The following ASIC2 variants were observed in gnomAD, a reference collection of about 807,000 sequenced individuals.
ASIC2 encodes acid-sensing ion channel 2.
A neutral mutation model predicts 57.3 loss-of-function variants in ASIC2; 25 were observed. The ratio of observed to expected loss-of-function variants is 0.44; its 90% CI spans 0.32 to 0.61. ASIC2 has a LOEUF of 0.61. ASIC2 is among the 20% of genes least tolerant of loss of function. ASIC2 has a pLI of 0.06. For missense variants in ASIC2, 641 were observed against 738.1 expected (o/e 0.87, Z 1.52); for synonymous variants, 319 against 307.5 (o/e 1.04, Z -0.39).
intron 1 of ASIC2, among the ~76,000 whole-genome samples, chr17:33,230,063 T>C (rs1197572041): frequency 1.3e-5 from 2 of 152,176 alleles, no homozygotes; most frequent in Non-Finnish European, 2.9e-5. Flanking sequence ...TTCCCTCCCC[T>C]GCATCCCAGG....
chr17:33,174,878 C>T (rs1191890283), intron 1 of ASIC2, among the ~76,000 whole-genome samples: 3 of 152,110 alleles, frequency 2.0e-5, no homozygotes, highest in Non-Finnish European at 4.4e-5. Context: ...GTTGTTTCTT[C>T]TCATGGCATA....
intron 1 of ASIC2, among the ~76,000 whole-genome samples, chr17:33,555,547 G>A (rs1212269767): frequency 6.6e-6 from 1 of 152,078 alleles, no homozygotes; most frequent in East Asian, 1.9e-4. Context: ...AGAGAGAGAT[G>A]GTGAAAAGCT....
intron 1 of ASIC2, among the ~76,000 whole-genome samples, chr17:33,682,996 G>C (rs1358144697): frequency 6.6e-6 from 1 of 152,224 alleles, no homozygotes; most frequent in Non-Finnish European, 1.5e-5. Context: ...GCTACATATT[G>C]AGTGGATTAA....
chr17:33,077,833 C>T (rs960252949), intron 3 of ASIC2, among the ~76,000 whole-genome samples: 15 of 152,272 alleles, frequency 9.9e-5, no homozygotes, highest in African/African-American at 3.4e-4. Flanking sequence ...GGGAGTGTGA[C>T]AGTCAGCAAG....
At chr17:33,160,207 A>T (rs962501894) in intron 1 of ASIC2, among the ~76,000 whole-genome samples, 1 of 112,246 alleles carries the variant, frequency 8.9e-6, no homozygotes, top group Non-Finnish European at 1.7e-5. Context: ...AGACCCTGTT[A>T]AAAAAAAAAA....
Position 33,770,672 on chromosome 17 carries a change from G to A in ASIC2, c.555+385306C>T, listed in dbSNP as rs147279775. On this transcript the variant is annotated intron_variant, in intron 1 of 9. Coordinates refer to the ASIC2 transcript ENST00000359872. ...ACCAATTCTCTGCAATCAAGCCCAT[G>A]GAGACAGCAATTCCCCATCCCCACA... is the stretch of plus-strand genomic sequence containing the variant. Among the ~76,000 whole-genome samples, 776 of 152,296 alleles carry A rather than the reference G, an allele frequency of 5.1e-3. 19 individuals carry two copies. Among genetic ancestry groups the A allele is most frequent in the East Asian group, 0.04 (209 of 5,178 alleles).
chr17:33,346,196 C>A (rs1262363208), intron 1 of ASIC2, among the ~76,000 whole-genome samples: 2 of 128,262 alleles, frequency 1.6e-5, no homozygotes, highest in African/African-American at 6.0e-5. Flanking sequence ...CACTGCACTC[C>A]AGCCTGGGTG....
intron 1 of ASIC2, among the ~76,000 whole-genome samples, chr17:33,847,159 C>T (rs1347284483): frequency 1.3e-5 from 2 of 151,426 alleles, no homozygotes; most frequent in African/African-American, 4.9e-5. Flanking sequence ...TGGGAGGCAT[C>T]TAGTAGGGCA....
At chr17:33,148,078 C>A (rs72819123) in intron 1 of ASIC2, among the ~76,000 whole-genome samples, 4 of 152,198 alleles carry the variant, frequency 2.6e-5, no homozygotes, top group African/African-American at 4.8e-5. Context: ...AATCAAGCAT[C>A]CCTAAAATGT....
chr17:33,189,209 C>A (rs1171796398), intron 1 of ASIC2, among the ~76,000 whole-genome samples: 1 of 152,050 alleles, frequency 6.6e-6, no homozygotes, highest in African/African-American at 2.4e-5. Flanking sequence ...CTCTGCAATA[C>A]ACAAGAGAAC....
Position 33,829,403 on chromosome 17 carries a change from C to T in ASIC2, c.555+326575G>A, listed in dbSNP as rs376325261. On this transcript the variant is annotated intron_variant, in intron 1 of 9. Coordinates refer to the ASIC2 transcript ENST00000359872. ...TAAGAAGGTCTCTTTTGCTTGTTTT[C>T]AGAAATACTATGGATGGGGATACAG... 2.1e-4 allele frequency among the ~76,000 whole-genome samples: 32 copies of T among 152,182 alleles called. No individual in the cohort carries two copies. In the East Asian group the frequency reaches 5.0e-3, roughly 24 times the overall value.
chr17:33,727,475 A>T (rs970189060), intron 1 of ASIC2, among the ~76,000 whole-genome samples: 1 of 152,076 alleles, frequency 6.6e-6, no homozygotes. Flanking sequence ...GTCATCCCCA[A>T]TGTTGGAGGT....
At chr17:33,274,309 G>T (rs1904620148) in intron 1 of ASIC2, among the ~76,000 whole-genome samples, 1 of 152,142 alleles carries the variant, frequency 6.6e-6, no homozygotes, top group African/African-American at 2.4e-5. Flanking sequence ...TTTCTCATTA[G>T]CTGGGGATGA....
At chr17:33,579,804 A>G (rs946287710) in intron 1 of ASIC2, among the ~76,000 whole-genome samples, 13 of 151,712 alleles carry the variant, frequency 8.6e-5, no homozygotes, top group Admixed American at 2.6e-4. Context: ...CGTGAAAAAC[A>G]CCCCTTGGAT....
At chr17:33,707,652 T>C (rs1286827799) in intron 1 of ASIC2, among the ~76,000 whole-genome samples, 3 of 152,230 alleles carry the variant, frequency 2.0e-5, no homozygotes, top group Non-Finnish European at 2.9e-5. Flanking sequence ...TAGTTTTCCC[T>C]TCTCTGAGTT....
intron 1 of ASIC2, among the ~76,000 whole-genome samples, chr17:34,151,120 A>AAAT (rs1555535979): frequency 2.7e-5 from 4 of 149,060 alleles, no homozygotes; most frequent in African/African-American, 1.0e-4. Flanking sequence ...AAAAAAAAAA[A>AAAT]AAAAATAAAG....
chr17:34,003,301 A>G (rs949411778), intron 1 of ASIC2: 6 of 152,320 alleles, frequency 3.9e-5, no homozygotes, highest in Middle Eastern at 3.4e-3. Context: ...GGATGATAAG[A>G]CAGATTTCAC....
In ASIC2 at chr17:33,830,859, C is replaced by A. The variant is rs530555942; in HGVS notation, c.555+325119G>T. On this transcript the variant is annotated intron_variant, in intron 1 of 9. Transcript: ENST00000359872. ...GGCGCGGTGGCTCAGGCCTATAATC[C>A]CAGCATTTTAGGAGGCCAAAGTGGG... Among the ~76,000 whole-genome samples the A allele has an allele frequency of 4.0e-5, 6 of 151,810 alleles. No homozygotes were observed. The South Asian group carries it at 1.3e-3, about 32-fold the overall frequency.
intron 1 of ASIC2, among the ~76,000 whole-genome samples, chr17:33,144,677 C>G (rs372343421): frequency 1.3e-5 from 2 of 152,094 alleles, no homozygotes; most frequent in African/African-American, 4.8e-5. Context: ...CCTCTGGGCC[C>G]ACAAGAAGCA....
Sources: gnomAD v4.1 joint callset for allele counts (sites outside exome capture counted in the v4.1 genomes callset) on GRCh38, gnomAD v4.1.1 for gene constraint, MANE v1.5 for transcripts, NCBI Gene and HGNC (gene_info 2026-07-23, HGNC 2026-07-21) for gene names.